The following FAM83D variants were observed in gnomAD, a reference collection of about 807,000 sequenced individuals.
FAM83D encodes protein FAM83D.
In FAM83D, 26 loss-of-function variants were observed where a neutral mutation model predicts 25.4. That is an observed-to-expected ratio of 1.02 (90% CI 0.75 to 1.42). The LOEUF is 1.42. Among genes scored for constraint, FAM83D ranks in the 40% most tolerant of loss-of-function variants. The pLI is 0.00. For missense variants in FAM83D, 740 were observed against 758.1 expected (o/e 0.98, Z 0.28); for synonymous variants, 310 against 318.5 (o/e 0.97, Z 0.28).
At chr20:38,942,202 G>T in intron 2 of FAM83D, 76 bp downstream of exon 2, 1 of 1,509,172 alleles carries the variant, frequency 6.6e-7, no homozygotes, top group Non-Finnish European at 9.2e-7. Context: ...AAGCTGGCTG[G>T]TGGCGGTATC....
At chr20:38,948,147 C>G (rs1457868254) in intron 3 of FAM83D, 147 bp downstream of exon 3, 17 of 982,350 alleles carry the variant, frequency 1.7e-5, no homozygotes, top group Admixed American at 3.2e-5. Flanking sequence ...AGCTGGTTAT[C>G]AAAGCCTCCT....
intron 2 of FAM83D, 65 bp from the exon 3 acceptor site, chr20:38,947,811 C>T (rs2085734520): frequency 1.9e-6 from 3 of 1,574,814 alleles, no homozygotes; most frequent in Non-Finnish European, 1.7e-6. Context: ...TTGTCCTAAC[C>T]ATTTGCTCAG....
In FAM83D at chr20:38,942,128, T is replaced by C. The variant is rs781072182; in HGVS notation, c.651+2T>C. ...AAAGTTCATCCTGAACAGGAAAAGG[T>C]TTGTGGTACACTATATCCAGTTTCA... On this transcript the variant is annotated splice_donor_variant, in intron 2 of 3. Coordinates refer to ENST00000619850, the MANE Select transcript of FAM83D (RefSeq NM_030919.3). LOFTEE classifies it high-confidence loss of function. 3.1e-6 allele frequency: 5 copies of C among 1,614,094 alleles called. No homozygotes were observed. Among genetic ancestry groups the C allele is most frequent in the Non-Finnish European group, 4.2e-6 (5 of 1,179,952 alleles).
rs543903280 is a variant in FAM83D at position 38,928,400 on chromosome 20, A to C, written c.483+1475A>C. ...CTTTGAGGGAGTGGTTGTGGGCTGCAGCTAGGCTCTTACCAGCCCTGAGGT... is the reference window on the plus strand; with the variant it reads ...CTTTGAGGGAGTGGTTGTGGGCTGCCGCTAGGCTCTTACCAGCCCTGAGGT... On this transcript the variant is annotated intron_variant, in intron 1 of 3. Coordinates refer to ENST00000619850, the MANE Select transcript of FAM83D (RefSeq NM_030919.3). Among the ~76,000 whole-genome samples the C allele has an allele frequency of 3.9e-5, 6 of 152,328 alleles. No homozygotes were observed. In the East Asian group the frequency reaches 1.2e-3, roughly 29 times the overall value.
intron 1 of FAM83D, among the ~76,000 whole-genome samples, chr20:38,928,032 G>C (rs997421190): frequency 6.6e-6 from 1 of 152,228 alleles, no homozygotes; most frequent in Non-Finnish European, 1.5e-5. Flanking sequence ...TAAAGCTGCA[G>C]CAGGGTGCTG....
At chr20:38,948,776 G>A (rs2085740650) in intron 3 of FAM83D, among the ~76,000 whole-genome samples, 1 of 152,176 alleles carries the variant, frequency 6.6e-6, no homozygotes, top group Non-Finnish European at 1.5e-5. Context: ...TGTCAGCCCT[G>A]GGTAAAGGTA....
In FAM83D at chr20:38,936,286, CAG is replaced by C. The variant is rs528847489; in HGVS notation, c.484-5670_484-5669del. Among the ~76,000 whole-genome samples the C allele has an allele frequency of 4.9e-3, 752 of 152,294 alleles. 3 individuals carry two copies. The highest frequency in any genetic ancestry group is 0.01 in the Middle Eastern group (3 of 294). ...TGTTGGGGCTGCACATGTGCCTGGTCAGAGCCTAGACCTGCCCATTGAGTGTG... is the reference window on the plus strand; with the variant it reads ...TGTTGGGGCTGCACATGTGCCTGGTCAGCCTAGACCTGCCCATTGAGTGTG... On this transcript the variant is annotated intron_variant, in intron 1 of 3. Coordinates refer to ENST00000619850, the MANE Select transcript of FAM83D (RefSeq NM_030919.3).
chr20:38,936,727 C>T (rs1440559151), intron 1 of FAM83D, among the ~76,000 whole-genome samples: 1 of 152,194 alleles, frequency 6.6e-6, no homozygotes, highest in Non-Finnish European at 1.5e-5. Context: ...TACCTAACCT[C>T]TCCAAGCTTT....
intron 1 of FAM83D, among the ~76,000 whole-genome samples, chr20:38,936,037 C>T (rs1477220824): frequency 6.6e-6 from 1 of 152,144 alleles, no homozygotes; most frequent in African/African-American, 2.4e-5. Flanking sequence ...TGGGAGAATG[C>T]AGCAGCCAGG....
intron 1 of FAM83D, among the ~76,000 whole-genome samples, chr20:38,928,911 G>A (rs2085647717): frequency 6.6e-6 from 1 of 152,188 alleles, no homozygotes; most frequent in Non-Finnish European, 1.5e-5. Context: ...GGGCACAGTG[G>A]CTCAAGCCTG....
At position 38,952,370 on chromosome 20, in the gene FAM83D, T is replaced by G. The variant is rs777639015; in HGVS notation, c.1608T>G (p.Ala536=). The G allele has an allele frequency of 6.2e-7, 1 of 1,614,204 alleles. No homozygotes were observed. Among genetic ancestry groups the G allele is most frequent in the Non-Finnish European group, 8.5e-7 (1 of 1,180,036 alleles). The change falls in exon 4 of 4, where the codon GCT becomes GCG. Residue 536 remains alanine, a synonymous_variant. Coordinates refer to ENST00000619850, the MANE Select transcript of FAM83D (RefSeq NM_030919.3). ...NLNKERQFHF[A]GIRSRLNHML... ...ACAAAGAGCGGCAATTCCACTTCGC[T>G]GGTATCAGGTCCCGGCTCAACCACA...
At chr20:38,928,583 GAAC>G (rs2145798524) in intron 1 of FAM83D, among the ~76,000 whole-genome samples, 1 of 152,318 alleles carries the variant, frequency 6.6e-6, no homozygotes, top group East Asian at 1.9e-4. Context: ...AAAATGTAAA[GAAC>G]TGGTCTGTAT....
intron 3 of FAM83D, among the ~76,000 whole-genome samples, chr20:38,950,731 G>A (rs1205634208): frequency 1.3e-5 from 2 of 152,172 alleles, no homozygotes; most frequent in Non-Finnish European, 2.9e-5. Flanking sequence ...CCTTTAAGAT[G>A]GGGGTGCTGG....
At chr20:38,942,160 T>C in intron 2 of FAM83D, 34 bp downstream of exon 2, 1 of 1,608,162 alleles carries the variant, frequency 6.2e-7, no homozygotes, top group Non-Finnish European at 8.5e-7. Flanking sequence ...TTCACCATAG[T>C]CAACAAATAT....
At chr20:38,927,019 C>T in intron 1 of FAM83D, 94 bp downstream of exon 1, 4 of 1,386,890 alleles carry the variant, frequency 2.9e-6, no homozygotes, top group East Asian at 2.9e-5. Flanking sequence ...GGGCCACTAC[C>T]TCCTCTGCGC....
intron 1 of FAM83D, among the ~76,000 whole-genome samples, chr20:38,937,574 G>T (rs986471253): frequency 2.0e-5 from 3 of 152,194 alleles, no homozygotes; most frequent in Non-Finnish European, 4.4e-5. Context: ...TTGCATGAGG[G>T]CTGGGACACA....
In FAM83D at chr20:38,952,391, C is replaced by A; in HGVS notation, c.1629C>A (p.Asn543Lys). ...TCGCTGGTATCAGGTCCCGGCTCAA[C>A]CACATGCTGGCTATGCTGTCAAGGA... Reference protein sequence around the residue: ...FHFAGIRSRLNHMLAMLSRRT... With the variant: ...FHFAGIRSRLKHMLAMLSRRT... The change falls in exon 4 of 4, where the codon AAC becomes AAA. Residue 543 changes from asparagine to lysine, a missense_variant. Coordinates refer to ENST00000619850, the MANE Select transcript of FAM83D (RefSeq NM_030919.3). 6.2e-7 allele frequency: 1 copy of A among 1,614,236 alleles called. No homozygotes were observed. The highest frequency in any genetic ancestry group is 8.5e-7 in the Non-Finnish European group (1 of 1,180,052).
At chr20:38,933,194 C>T (rs936115761) in intron 1 of FAM83D, among the ~76,000 whole-genome samples, 1 of 152,166 alleles carries the variant, frequency 6.6e-6, no homozygotes, top group Non-Finnish European at 1.5e-5. Flanking sequence ...TGAGTAGCAT[C>T]CATGGCCCCC....
rs1262931585 is a variant in FAM83D at position 38,942,131 on chromosome 20, G to A, written c.651+5G>A. 1 of 1,614,078 alleles carries A rather than the reference G, an allele frequency of 6.2e-7. No homozygotes were observed. The highest frequency in any genetic ancestry group is 2.2e-5 in the East Asian group (1 of 44,884). On this transcript the variant is annotated splice_donor_5th_base_variant and intron_variant, in intron 2 of 3. Transcript: ENST00000619850. ...GTTCATCCTGAACAGGAAAAGGTTTGTGGTACACTATATCCAGTTTCACCA... is the reference window on the plus strand; with the variant it reads ...GTTCATCCTGAACAGGAAAAGGTTTATGGTACACTATATCCAGTTTCACCA...
Sources: gnomAD v4.1 joint callset for allele counts (sites outside exome capture counted in the v4.1 genomes callset) on GRCh38, gnomAD v4.1.1 for gene constraint, MANE v1.5 for transcripts, NCBI Gene and HGNC (gene_info 2026-07-23, HGNC 2026-07-21) for gene names.